The following TMTC1 variants were observed in gnomAD, a reference collection of about 807,000 sequenced individuals.
TMTC1 encodes the protein transmembrane O-mannosyltransferase targeting cadherins 1.
In TMTC1, 73 loss-of-function variants were observed where a neutral mutation model predicts 104.8. The ratio of observed to expected loss-of-function variants is 0.70; its 90% CI spans 0.58 to 0.85. TMTC1 has a LOEUF of 0.85. TMTC1 is among the 40% of genes least tolerant of loss of function. The pLI is 0.00. For missense variants in TMTC1, 1,035 were observed against 1,096.1 expected (o/e 0.94, Z 0.79); for synonymous variants, 434 against 428.7 (o/e 1.01, Z -0.15).
Position 29,505,031 on chromosome 12 carries a change from T to C in TMTC1, c.*1815A>G, listed in dbSNP as rs1433635770. The C allele has an allele frequency of 1.3e-5, 2 of 152,144 alleles. No homozygotes were observed. The highest frequency in any genetic ancestry group is 6.5e-5 in the Admixed American group (1 of 15,288). The allele number at this position is 152,144 out of a possible 1,614,324, so 9.4% of individuals were successfully genotyped here. A position where few individuals can be genotyped will look rare whatever the true frequency, so the allele number is the denominator to read the frequency against. ...TGAAAAAACTATTAGAAACAAATGG[T>C]TGTAGTGGTAACATATACATTCTTG... On this transcript the variant is annotated 3_prime_UTR_variant, in exon 18 of 18. Transcript: ENST00000539277.
intron 10 of TMTC1, among the ~76,000 whole-genome samples, chr12:29,556,159 A>G (rs1277484463): frequency 6.6e-6 from 1 of 152,180 alleles, no homozygotes; most frequent in South Asian, 2.1e-4. Context: ...TAAACACACA[A>G]GATGCAAAAG....
rs1005804189 is a variant in TMTC1 at position 29,755,803 on chromosome 12, T to C, written c.637A>G (p.Thr213Ala). 1.9e-5 allele frequency: 30 copies of C among 1,613,936 alleles called. No individual in the cohort carries two copies. The highest frequency in any genetic ancestry group is 2.5e-5 in the Non-Finnish European group (29 of 1,180,018). ...GTCTCTTTCACCAGCATCGCACAGGTCCCCAGAAACAAACTGAGCAGCAAG... is the reference window on the plus strand; with the variant it reads ...GTCTCTTTCACCAGCATCGCACAGGCCCCCAGAAACAAACTGAGCAGCAAG... ...FFLLLSLFLG[T>A]CAMLVKETGI... Residue 213 changes from threonine (T) to alanine (A), a missense_variant, in exon 4 of 18, where the codon ACC (threonine) becomes GCC (alanine). Transcript: ENST00000539277.
intron 5 of TMTC1, among the ~76,000 whole-genome samples, chr12:29,666,839 T>TAAAC (rs1005751732): frequency 6.6e-6 from 1 of 152,160 alleles, no homozygotes; most frequent in African/African-American, 2.4e-5. Context: ...CAACAAATCA[T>TAAAC]AAACAGTGAT....
chr12:29,559,706 G>A (rs1050201633), intron 9 of TMTC1, among the ~76,000 whole-genome samples: 1 of 152,102 alleles, frequency 6.6e-6, no homozygotes, highest in Non-Finnish European at 1.5e-5. Flanking sequence ...TATTTACAGG[G>A]ACTCGCTGAT....
At chr12:29,695,410 G>A (rs946853077) in intron 5 of TMTC1, among the ~76,000 whole-genome samples, 23 of 152,130 alleles carry the variant, frequency 1.5e-4, no homozygotes, top group African/African-American at 5.3e-4. Flanking sequence ...TGGTTCAAGC[G>A]ATTCTCCTGC....
chr12:29,692,072 C>T (rs1941284835), intron 5 of TMTC1, among the ~76,000 whole-genome samples: 1 of 145,610 alleles, frequency 6.9e-6, no homozygotes, highest in Non-Finnish European at 1.5e-5. Context: ...ATTGTCATTA[C>T]TCTCAACAAA....
intron 5 of TMTC1, among the ~76,000 whole-genome samples, chr12:29,657,269 T>C (rs1321071593): frequency 6.6e-6 from 1 of 152,152 alleles, no homozygotes; most frequent in Non-Finnish European, 1.5e-5. Context: ...AAGACAAAGG[T>C]AGTTATTTAA....
chr12:29,631,174 TTA>T (rs1938278959), intron 6 of TMTC1, among the ~76,000 whole-genome samples: 1 of 152,234 alleles, frequency 6.6e-6, no homozygotes, highest in Non-Finnish European at 1.5e-5. Flanking sequence ...GATTTATGTT[TTA>T]CAAATATTTT....
At chr12:29,668,916 A>G (rs1432773901) in intron 5 of TMTC1, among the ~76,000 whole-genome samples, 2 of 152,256 alleles carry the variant, frequency 1.3e-5, no homozygotes, top group Non-Finnish European at 2.9e-5. Flanking sequence ...AAGTTAACGC[A>G]TGTAGTGATT....
Position 29,751,882 on chromosome 12 carries a change from A to G in TMTC1, c.732-10T>C, listed in dbSNP as rs924232476. On this transcript the variant is annotated splice_polypyrimidine_tract_variant and intron_variant, in intron 4 of 17. Coordinates refer to ENST00000539277, the MANE Select transcript of TMTC1 (RefSeq NM_001193451.2). Reference sequence around the variant, plus strand: ...GAGGGCCCCATTGCTCCTGTTGTGCATGGAATTGAGGGAAAACAAAGTCAA... The same window carrying G: ...GAGGGCCCCATTGCTCCTGTTGTGCGTGGAATTGAGGGAAAACAAAGTCAA... 3.9e-6 allele frequency: 6 copies of G among 1,541,894 alleles called. No homozygotes were observed. Among genetic ancestry groups the G allele is most frequent in the Non-Finnish European group, 5.3e-6 (6 of 1,142,678 alleles).
At chr12:29,597,164 C>T (rs146036918) in intron 7 of TMTC1, among the ~76,000 whole-genome samples, 15 of 152,004 alleles carry the variant, frequency 9.9e-5, no homozygotes, top group East Asian at 5.8e-4. Flanking sequence ...TTCCTCCTGA[C>T]GTTCCTAGTG....
chr12:29,549,258 T>C (rs1945031315), intron 10 of TMTC1, among the ~76,000 whole-genome samples: 2 of 151,732 alleles, frequency 1.3e-5, no homozygotes, highest in African/African-American at 4.8e-5. Context: ...ACTAAAAAAT[T>C]GTGCTAAATG....
chr12:29,718,724 G>C (rs892880762), intron 5 of TMTC1, among the ~76,000 whole-genome samples: 8 of 152,012 alleles, frequency 5.3e-5, no homozygotes, highest in African/African-American at 1.9e-4. Flanking sequence ...ATGAGGTGAG[G>C]AGATCGAGAC....
intron 5 of TMTC1, chr12:29,640,474 G>A (rs1385083311): frequency 6.6e-6 from 1 of 152,232 alleles, no homozygotes; most frequent in Non-Finnish European, 1.5e-5. Context: ...AGTGGAAGTG[G>A]GAAAGGGAGA....
chr12:29,584,011 GTGTC>G (rs1256214907), intron 7 of TMTC1, among the ~76,000 whole-genome samples: 2 of 152,132 alleles, frequency 1.3e-5, no homozygotes, highest in African/African-American at 4.8e-5. Context: ...TGTAGGGAGA[GTGTC>G]TGAAAGCTCT....
intron 11 of TMTC1, chr12:29,534,974 T>C (rs1036752721): frequency 8.5e-5 from 13 of 152,190 alleles, no homozygotes; most frequent in African/African-American, 3.1e-4. Flanking sequence ...GAAACCAGCA[T>C]GATATGAAAT....
At chr12:29,727,540 C>A (rs1942428768) in intron 5 of TMTC1, among the ~76,000 whole-genome samples, 1 of 151,972 alleles carries the variant, frequency 6.6e-6, no homozygotes, top group South Asian at 2.1e-4. Flanking sequence ...CCACGCCTGG[C>A]TAATTTTTTG....
At chr12:29,628,754 T>G (rs1938137412) in intron 6 of TMTC1, among the ~76,000 whole-genome samples, 1 of 151,982 alleles carries the variant, frequency 6.6e-6, no homozygotes, top group South Asian at 2.1e-4. Flanking sequence ...CTCCACCTCC[T>G]GGGTTCAAGA....
At chr12:29,580,636 T>G (rs1361332694) in intron 8 of TMTC1, among the ~76,000 whole-genome samples, 6 of 152,188 alleles carry the variant, frequency 3.9e-5, no homozygotes, top group African/African-American at 1.4e-4. Flanking sequence ...GCCAAGGGCA[T>G]CACCATCTCT....
Sources: allele counts gnomAD v4.1 joint callset (sites outside exome capture counted in the v4.1 genomes callset), GRCh38; gene constraint gnomAD v4.1.1; transcripts MANE v1.5; gene names NCBI Gene and HGNC (gene_info 2026-07-23, HGNC 2026-07-21).